The following CNTLN variants were observed in gnomAD, a reference collection of about 807,000 sequenced individuals.
The protein encoded by CNTLN is centlein, centrosomal protein.
Under a neutral mutation model 180.0 loss-of-function variants are expected in CNTLN, and 212 were observed. That is an observed-to-expected ratio of 1.18 (90% CI 1.05 to 1.32). The LOEUF is 1.32. CNTLN is among the 40% of genes most tolerant of loss of function. The pLI, the probability that CNTLN is intolerant of heterozygous loss-of-function variation, is 0.00. For synonymous variants in CNTLN, 722 were observed against 563.1 expected, an observed-to-expected ratio of 1.28 and a Z score of -3.99; for missense variants, 2,095 against 1,610.9, an observed-to-expected ratio of 1.30 and a Z score of -5.14.
intron 12 of CNTLN, among the ~76,000 whole-genome samples, chr9:17,349,318 A>T (rs1440852514): frequency 6.6e-6 from 1 of 152,186 alleles, no homozygotes; most frequent in East Asian, 1.9e-4. Context: ...GTCATTCATT[A>T]ATATCTAGTT....
chr9:17,502,829 A>G lies in CNTLN; in HGVS notation c.*177A>G. ...TGAACAAGTGAAACTAATTAAGTAC[A>G]TAGCCATTTAAAAGGAAATAGTGTA... On this transcript the variant is annotated 3_prime_UTR_variant, in exon 26 of 26. Coordinates refer to ENST00000380647, the MANE Select transcript of CNTLN (RefSeq NM_017738.4). The G allele has an allele frequency of 5.7e-6, 2 of 348,808 alleles. No individual in the cohort carries two copies. The highest frequency in any genetic ancestry group is 1.1e-5 in the Non-Finnish European group (2 of 189,952). The allele number at this position is 348,808 out of a possible 1,614,324, so 21.6% of individuals were successfully genotyped here.
intron 5 of CNTLN, among the ~76,000 whole-genome samples, chr9:17,263,789 G>A (rs1827192667): frequency 1.4e-5 from 2 of 144,308 alleles, no homozygotes; most frequent in Admixed American, 6.9e-5. Context: ...TTCTCTGATG[G>A]CCAGTGATGA....
chr9:17,428,963 A>C (rs1316393872), intron 18 of CNTLN, among the ~76,000 whole-genome samples: 2 of 151,960 alleles, frequency 1.3e-5, no homozygotes, highest in Non-Finnish European at 2.9e-5. Flanking sequence ...CATTCCTTGA[A>C]CGATTTGAGG....
intron 12 of CNTLN, among the ~76,000 whole-genome samples, chr9:17,343,918 A>G (rs528508476): frequency 1.1e-4 from 16 of 152,174 alleles, no homozygotes; most frequent in Non-Finnish European, 2.2e-4. Flanking sequence ...TAGACATTGC[A>G]TATAAATGGC....
intron 2 of CNTLN, among the ~76,000 whole-genome samples, chr9:17,199,464 G>A (rs1049605870): frequency 1.3e-5 from 2 of 151,978 alleles, no homozygotes; most frequent in Non-Finnish European, 2.9e-5. Flanking sequence ...ACCCTCCTTG[G>A]CCTCCCAAAG....
chr9:17,366,551 G>A (rs548819841), intron 12 of CNTLN, 66 bp from the exon 13 acceptor site: 167 of 702,642 alleles, frequency 2.4e-4, no homozygotes, highest in African/African-American at 1.4e-3. Flanking sequence ...ATATTTAAAT[G>A]TATATGTTTG....
At position 17,298,279 on chromosome 9, in the gene CNTLN, T is replaced by C. The variant is rs1818091717; in HGVS notation, c.1073T>C (p.Leu358Pro). The C allele has an allele frequency of 6.2e-7, 1 of 1,613,660 alleles. No homozygotes were observed. Among genetic ancestry groups the C allele is most frequent in the Non-Finnish European group, 8.5e-7 (1 of 1,179,842 alleles). ...QAELIQQLQV[L>P]NMDTQKVLRN... ...GAGCTGATCCAGCAGCTTCAGGTTCTCAATATGGACACACAAAAAGTACTG... is the reference window on the plus strand; with the variant it reads ...GAGCTGATCCAGCAGCTTCAGGTTCCCAATATGGACACACAAAAAGTACTG... Residue 358 changes from leucine to proline, a missense_variant, in exon 7 of 26, where the codon CTC becomes CCC. Physicochemically the swap from Leu to Pro is moderately conservative, Grantham distance 98. Coordinates refer to ENST00000380647, the MANE Select transcript of CNTLN (RefSeq NM_017738.4).
At chr9:17,346,682 C>G (rs78412979) in intron 12 of CNTLN, among the ~76,000 whole-genome samples, 7,756 of 152,200 alleles carry the variant, frequency 0.051, 549 homozygotes, top group African/African-American at 0.16. Flanking sequence ...GAAGTTTGGT[C>G]ATAACATGTC....
intron 3 of CNTLN, among the ~76,000 whole-genome samples, chr9:17,231,041 C>T (rs1224204164): frequency 1.3e-5 from 2 of 151,938 alleles, no homozygotes; most frequent in African/African-American, 2.4e-5. Flanking sequence ...ATTTTGGGAG[C>T]GTTGGTTTGC....
intron 18 of CNTLN, among the ~76,000 whole-genome samples, chr9:17,437,997 G>T (rs1049801465): frequency 6.6e-6 from 1 of 152,166 alleles, no homozygotes; most frequent in African/African-American, 2.4e-5. Flanking sequence ...AGGATAGCTT[G>T]AAAAGACATC....
intron 2 of CNTLN, among the ~76,000 whole-genome samples, chr9:17,164,457 G>GTTTTTTTTTTTTTTT (rs772109564): frequency 1.5e-5 from 1 of 68,456 alleles, no homozygotes; most frequent in Non-Finnish European, 2.5e-5. Context: ...TTATTTTTAT[G>GTTTTTTTTTTTTTTT]TTTTTTTTTT....
chr9:17,238,954 G>A (rs1164692121), intron 5 of CNTLN, among the ~76,000 whole-genome samples: 1 of 152,092 alleles, frequency 6.6e-6, no homozygotes. Context: ...TTGATTTTTC[G>A]ATGTTCACAT....
At chr9:17,178,145 G>A (rs1425621164) in intron 2 of CNTLN, among the ~76,000 whole-genome samples, 2 of 146,110 alleles carry the variant, frequency 1.4e-5, no homozygotes, top group African/African-American at 2.7e-5. Context: ...TAGACATAAA[G>A]GTTCTCCCAG....
chr9:17,163,708 A>G (rs574027529), intron 2 of CNTLN, among the ~76,000 whole-genome samples: 11 of 152,336 alleles, frequency 7.2e-5, no homozygotes, highest in African/African-American at 2.2e-4. Context: ...GAAGATAAGA[A>G]TAAATAAGTG....
chr9:17,165,591 T>C (rs1283982265), intron 2 of CNTLN, among the ~76,000 whole-genome samples: 1 of 136,730 alleles, frequency 7.3e-6, no homozygotes, highest in Non-Finnish European at 1.5e-5. Flanking sequence ...AAGGAGCATG[T>C]AGACTCTCTG....
At chr9:17,475,118 C>T (rs541314592) in intron 23 of CNTLN, among the ~76,000 whole-genome samples, 1 of 151,870 alleles carries the variant, frequency 6.6e-6, no homozygotes, top group Non-Finnish European at 1.5e-5. Context: ...GGTCTTTGTC[C>T]TCCTCTTCCT....
chr9:17,308,938 C>T (rs1178189909), intron 7 of CNTLN, 120 bp from the exon 8 acceptor site: 5 of 480,814 alleles, frequency 1.0e-5, no homozygotes, highest in African/African-American at 2.0e-5. Context: ...TTAAAATAAC[C>T]TGAGGGCAAG....
intron 23 of CNTLN, among the ~76,000 whole-genome samples, chr9:17,482,688 A>G (rs1472366140): frequency 2.6e-5 from 4 of 152,182 alleles, no homozygotes; most frequent in African/African-American, 7.2e-5. Flanking sequence ...GCTTTACCCA[A>G]TGTTAAAATG....
At chr9:17,246,053 A>G (rs2132234922) in intron 5 of CNTLN, among the ~76,000 whole-genome samples, 1 of 152,132 alleles carries the variant, frequency 6.6e-6, no homozygotes, top group African/African-American at 2.4e-5. Context: ...CATTTAATTC[A>G]TTTGGTGAGG....
Sources: allele counts gnomAD v4.1 joint callset (sites outside exome capture counted in the v4.1 genomes callset), GRCh38; gene constraint gnomAD v4.1.1; transcripts MANE v1.5; gene names NCBI Gene and HGNC (gene_info 2026-07-23, HGNC 2026-07-21).